COL19A1: variants seen among roughly 807,000 people sequenced by gnomAD.
COL19A1 encodes the protein collagen alpha-1(XIX) chain.
A neutral mutation model predicts 190.2 loss-of-function variants in COL19A1; 159 were observed. The observed-to-expected ratio is 0.84, with a 90% CI of 0.73 to 0.95. The LOEUF (loss-of-function observed/expected upper bound fraction) is 0.95, where lower values mean the gene tolerates loss of function less well. COL19A1 is among the 40% of genes least tolerant of loss of function. The pLI is 0.00. For missense variants in COL19A1, 1,418 were observed against 1,431.9 expected (o/e 0.99, Z 0.16); for synonymous variants, 509 against 458.9 (o/e 1.11, Z -1.39).
intron 6 of COL19A1, among the ~76,000 whole-genome samples, chr6:69,931,914 CTATTAT>C (rs1255173586): frequency 1.3e-5 from 2 of 151,914 alleles, no homozygotes; most frequent in Non-Finnish European, 2.9e-5. Context: ...TGCCTGCTTT[CTATTAT>C]TATAAGATTA....
At chr6:70,104,127 T>C (rs1356286085) in intron 16 of COL19A1, among the ~76,000 whole-genome samples, 1 of 152,176 alleles carries the variant, frequency 6.6e-6, no homozygotes, top group Non-Finnish European at 1.5e-5. Context: ...AACAATGCAT[T>C]GGTGCCAATT....
At chr6:70,115,811 T>C (rs1465004242) in intron 16 of COL19A1, among the ~76,000 whole-genome samples, 1 of 138,180 alleles carries the variant, frequency 7.2e-6, no homozygotes, top group Non-Finnish European at 1.5e-5. Flanking sequence ...TTTTGTTTTG[T>C]TTTTTGGTGT....
At chr6:70,055,434 C>T (rs1026539269) in intron 14 of COL19A1, among the ~76,000 whole-genome samples, 2 of 151,624 alleles carry the variant, frequency 1.3e-5, no homozygotes, top group African/African-American at 4.8e-5. Flanking sequence ...TGTCTAGCTA[C>T]AGATGAATGG....
chr6:69,867,057 A>T (rs1767495102), intron 1 of COL19A1, among the ~76,000 whole-genome samples: 1 of 151,066 alleles, frequency 6.6e-6, no homozygotes, highest in Non-Finnish European at 1.5e-5. Flanking sequence ...TTAAAGGAGT[A>T]AAACAAACTC....
rs1768028498 is a variant in COL19A1, at chr6:70,208,694, G to A, written c.*1420G>A. The A allele has an allele frequency of 6.6e-6, 1 of 152,608 alleles. No individual in the cohort carries two copies. The highest frequency in any genetic ancestry group is 6.5e-5 in the Admixed American group (1 of 15,280). 9.5% of individuals were successfully genotyped at this position (152,608 alleles called of 1,614,324 possible). ...CAATCAGGACTCACAGCTCTTCAAG[G>A]AGCAGTGCAGATTTCAATTTGGCTA... On this transcript the variant is annotated 3_prime_UTR_variant, in exon 51 of 51. Transcript: ENST00000620364.
At chr6:69,923,121 A>G (rs931560105) in intron 4 of COL19A1, among the ~76,000 whole-genome samples, 1 of 152,154 alleles carries the variant, frequency 6.6e-6, no homozygotes, top group African/African-American at 2.4e-5. Context: ...CAGAAAACCT[A>G]CTCCTCAAAA....
chr6:69,944,911 C>T (rs1003673324), intron 9 of COL19A1, among the ~76,000 whole-genome samples: 2 of 151,874 alleles, frequency 1.3e-5, no homozygotes, highest in Admixed American at 1.3e-4. Flanking sequence ...ATAATTAATA[C>T]TTTTCTTTCA....
chr6:69,957,631 A>G (rs1774502375), intron 9 of COL19A1, among the ~76,000 whole-genome samples: 1 of 152,192 alleles, frequency 6.6e-6, no homozygotes. Flanking sequence ...TTTTCTTTCA[A>G]TAATGAACTA....
chr6:70,150,908 T>G (rs1787016957), intron 30 of COL19A1, among the ~76,000 whole-genome samples: 1 of 152,186 alleles, frequency 6.6e-6, no homozygotes, highest in Non-Finnish European at 1.5e-5. Flanking sequence ...GTTCCTTCAG[T>G]GTTTGTCTTG....
At chr6:70,005,024 G>A (rs1777531650) in intron 11 of COL19A1, among the ~76,000 whole-genome samples, 1 of 151,938 alleles carries the variant, frequency 6.6e-6, no homozygotes, top group African/African-American at 2.4e-5. Context: ...AGTAGTGATG[G>A]GGTTTCACTG....
At chr6:69,874,079 C>G (rs1470539405) in intron 1 of COL19A1, among the ~76,000 whole-genome samples, 1 of 152,122 alleles carries the variant, frequency 6.6e-6, no homozygotes, top group African/African-American at 2.4e-5. Context: ...GGAAATGTGG[C>G]AAGTTTTGAT....
chr6:69,917,478 G>A (rs1252408566), intron 4 of COL19A1, among the ~76,000 whole-genome samples: 1 of 152,168 alleles, frequency 6.6e-6, no homozygotes, highest in East Asian at 1.9e-4. Flanking sequence ...CAAGGTACTA[G>A]TCTAGATGCT....
chr6:70,106,622 G>T (rs1783987392), intron 16 of COL19A1, among the ~76,000 whole-genome samples: 1 of 152,136 alleles, frequency 6.6e-6, no homozygotes. Context: ...TAATCAGAGT[G>T]CTTGTCATTG....
chr6:69,912,729 C>T (rs1313278323), intron 4 of COL19A1, among the ~76,000 whole-genome samples: 1 of 152,144 alleles, frequency 6.6e-6, no homozygotes, highest in African/African-American at 2.4e-5. Context: ...GGGCACAGAG[C>T]CTCACAGAGT....
chr6:70,093,165 T>A (rs1783032416), intron 15 of COL19A1, among the ~76,000 whole-genome samples: 1 of 152,136 alleles, frequency 6.6e-6, no homozygotes. Flanking sequence ...GGCAGCATAA[T>A]TCTCAGACAG....
rs1319595281 is a variant in COL19A1, at chr6:70,068,465, G to A, written c.1213G>A (p.Glu405Lys). 2.5e-6 allele frequency: 4 copies of A among 1,597,452 alleles called. No homozygotes were observed. Among genetic ancestry groups the A allele is most frequent in the East Asian group, 2.2e-5 (1 of 44,684 alleles). Residue 405 changes from glutamate to lysine, a missense_variant, in exon 15 of 51, where the codon GAG (glutamate) becomes AAG (lysine). Glu to Lys is a moderately conservative substitution (Grantham distance 56). Coordinates refer to ENST00000620364, the MANE Select transcript of COL19A1 (RefSeq NM_001858.6). ...IQGPQGPPGK[E>K]GQRGRRGKTG... ...AGGCCCCCAAGGTCCACCTGGAAAA[G>A]AGGGTCAGAGGGTAAGTAAAGCTGG...
At chr6:69,881,326 T>C (rs1768537965) in intron 2 of COL19A1, among the ~76,000 whole-genome samples, 1 of 152,222 alleles carries the variant, frequency 6.6e-6, no homozygotes, top group Non-Finnish European at 1.5e-5. Context: ...CAAGGTTACC[T>C]TTTTTTGTTA....
chr6:69,883,144 C>A (rs140169794), intron 2 of COL19A1, among the ~76,000 whole-genome samples: 8 of 152,134 alleles, frequency 5.3e-5, no homozygotes, highest in African/African-American at 1.9e-4. Context: ...TCTGAGGCGG[C>A]GGCATGCTTG....
At chr6:70,067,442 T>G (rs891161889) in intron 14 of COL19A1, among the ~76,000 whole-genome samples, 2 of 152,068 alleles carry the variant, frequency 1.3e-5, no homozygotes, top group African/African-American at 2.4e-5. Flanking sequence ...ATTTATTGAT[T>G]TGGGGCATGG....
Sources: allele counts gnomAD v4.1 joint callset (sites outside exome capture counted in the v4.1 genomes callset), GRCh38; gene constraint gnomAD v4.1.1; transcripts MANE v1.5; gene names NCBI Gene and HGNC (gene_info 2026-07-23, HGNC 2026-07-21).